Variants in TNS4 observed in about 807,000 individuals in gnomAD.
TNS4 encodes the protein tensin 4, also known as tensin-4.
TNS4 carries 46 observed loss-of-function variants against 70.4 expected under a neutral mutation model. The ratio of observed to expected loss-of-function variants is 0.65; its 90% CI spans 0.52 to 0.84. The LOEUF (loss-of-function observed/expected upper bound fraction) is 0.84. TNS4 is among the 40% of genes least tolerant of loss of function. The pLI, the probability that TNS4 is intolerant of heterozygous loss-of-function variation, is 0.00. For synonymous variants in TNS4, 390 were observed against 366.6 expected (o/e 1.06, Z -0.73); for missense variants, 863 against 907.0 (o/e 0.95, Z 0.62).
chr17:40,486,117 C>T (rs2035986706), intron 4 of TNS4, among the ~76,000 whole-genome samples: 1 of 152,176 alleles, frequency 6.6e-6, no homozygotes, highest in South Asian at 2.1e-4. Context: ...GGAGAGGCAT[C>T]CACAGGGTGC....
At chr17:40,500,457 G>A (rs189011242) in intron 1 of TNS4, among the ~76,000 whole-genome samples, 4 of 152,252 alleles carry the variant, frequency 2.6e-5, no homozygotes, top group Admixed American at 2.6e-4. Context: ...CTGGGCCCGG[G>A]GCTCTGTGTG....
At chr17:40,494,830 A>G (rs2036122978) in intron 2 of TNS4, among the ~76,000 whole-genome samples, 1 of 152,052 alleles carries the variant, frequency 6.6e-6, no homozygotes, top group African/African-American at 2.4e-5. Context: ...GTGTCCAGTA[A>G]GTGTAATATC....
At chr17:40,478,216 C>T in intron 12 of TNS4, 91 bp downstream of exon 12, 1 of 1,552,850 alleles carries the variant, frequency 6.4e-7, no homozygotes, top group East Asian at 2.2e-5. Context: ...CTCATCAACA[C>T]TTTGGACTAT....
At chr17:40,500,075 G>A (rs1295774392) in intron 1 of TNS4, among the ~76,000 whole-genome samples, 2 of 152,198 alleles carry the variant, frequency 1.3e-5, no homozygotes, top group African/African-American at 4.8e-5. Context: ...TATTGCTGCA[G>A]GGCTGGAGAG....
At chr17:40,478,414 G>T in intron 11 of TNS4, 81 bp from the exon 12 acceptor site, 1 of 1,572,232 alleles carries the variant, frequency 6.4e-7, no homozygotes, top group Non-Finnish European at 8.7e-7. Context: ...GGACTGGCCA[G>T]CTGCGTCCCC....
intron 4 of TNS4, among the ~76,000 whole-genome samples, chr17:40,486,697 C>G (rs1026867225): frequency 6.6e-6 from 1 of 152,080 alleles, no homozygotes; most frequent in Non-Finnish European, 1.5e-5. Context: ...GCTGGGAATG[C>G]CTTTCCTCTC....
intron 2 of TNS4, among the ~76,000 whole-genome samples, chr17:40,493,460 G>A (rs2036101564): frequency 6.6e-6 from 1 of 152,208 alleles, no homozygotes; most frequent in Non-Finnish European, 1.5e-5. Flanking sequence ...CTGCGGGGAG[G>A]ATTTTGGGTG....
chr17:40,482,283 G>T (rs773314611), intron 7 of TNS4, 41 bp downstream of exon 7: 2 of 1,613,372 alleles, frequency 1.2e-6, no homozygotes, highest in Admixed American at 1.7e-5. Flanking sequence ...GACTTCGCTG[G>T]CCCCCCATCC....
At chr17:40,500,980 G>T (rs923650152) in intron 1 of TNS4, among the ~76,000 whole-genome samples, 3 of 152,172 alleles carry the variant, frequency 2.0e-5, no homozygotes, top group Non-Finnish European at 4.4e-5. Context: ...CCTCAGGCAA[G>T]CCTCTTCTCT....
intron 8 of TNS4, among the ~76,000 whole-genome samples, chr17:40,481,306 T>A (rs1340665494): frequency 2.0e-5 from 3 of 152,182 alleles, no homozygotes; most frequent in Non-Finnish European, 4.4e-5. Context: ...TTACGTAACA[T>A]CTAGAACCCT....
chr17:40,478,044 G>A (rs2035872015), intron 12 of TNS4: 1 of 608,752 alleles, frequency 1.6e-6, no homozygotes, highest in South Asian at 2.0e-5. Context: ...CATCAGACTG[G>A]GACATTCCAA....
chr17:40,500,870 G>T (rs1464989773), intron 1 of TNS4, among the ~76,000 whole-genome samples: 1 of 142,234 alleles, frequency 7.0e-6, no homozygotes, highest in African/African-American at 2.5e-5. Flanking sequence ...AAGGCCAGCC[G>T]CCCCATCTCC....
chr17:40,498,851 A>G (rs1388003899), intron 1 of TNS4, among the ~76,000 whole-genome samples: 4 of 152,096 alleles, frequency 2.6e-5, no homozygotes, highest in Middle Eastern at 3.4e-3. Flanking sequence ...GCCTGGCCTT[A>G]TTTATTTATT....
chr17:40,483,233 G>T (rs1003642310), intron 6 of TNS4, among the ~76,000 whole-genome samples: 2 of 151,906 alleles, frequency 1.3e-5, no homozygotes, highest in African/African-American at 2.4e-5. Context: ...TTTAGACAGG[G>T]TCTCATTCTT....
At chr17:40,479,528 C>G in intron 10 of TNS4, 146 bp downstream of exon 10, 1 of 948,818 alleles carries the variant, frequency 1.1e-6, no homozygotes, top group East Asian at 2.7e-5. Context: ...GGGAAGCTGC[C>G]TGGAGTCACT....
chr17:40,484,743 T>C, intron 5 of TNS4, 134 bp from the exon 6 acceptor site: 1 of 1,435,488 alleles, frequency 7.0e-7, no homozygotes, highest in Non-Finnish European at 9.5e-7. Flanking sequence ...CTGTCAAATC[T>C]CCACCATTCT....
At chr17:40,499,449 T>C (rs2036185624) in intron 1 of TNS4, among the ~76,000 whole-genome samples, 1 of 152,166 alleles carries the variant, frequency 6.6e-6, no homozygotes, top group African/African-American at 2.4e-5. Flanking sequence ...CTGCGGCTCG[T>C]CCTGCTACAA....
At chr17:40,487,934 T>C (rs1206483825) in intron 3 of TNS4, among the ~76,000 whole-genome samples, 1 of 152,268 alleles carries the variant, frequency 6.6e-6, no homozygotes, top group African/African-American at 2.4e-5. Flanking sequence ...CTCAGGGGCC[T>C]GTGCCAGTGG....
intron 6 of TNS4, among the ~76,000 whole-genome samples, chr17:40,483,110 G>A (rs921635023): frequency 6.6e-6 from 1 of 151,926 alleles, no homozygotes; most frequent in East Asian, 1.9e-4. Context: ...CCACCATGTC[G>A]GGCTAATTCT....
Sources: allele counts gnomAD v4.1 joint callset (sites outside exome capture counted in the v4.1 genomes callset), GRCh38; gene constraint gnomAD v4.1.1; transcripts MANE v1.5; gene names NCBI Gene and HGNC (gene_info 2026-07-23, HGNC 2026-07-21).